CFAP20DC: variants seen among roughly 807,000 people sequenced by gnomAD.
CFAP20DC encodes protein CFAP20DC.
Under a neutral mutation model 101.7 loss-of-function variants are expected in CFAP20DC, and 84 were observed. That is an observed-to-expected ratio of 0.83 (90% confidence interval 0.69 to 0.99). The LOEUF is 0.99. Among genes scored for constraint, CFAP20DC ranks in the 50% least tolerant of loss-of-function variants. The pLI, the probability that CFAP20DC is intolerant of heterozygous loss-of-function variation, is 0.00. For synonymous variants in CFAP20DC, 359 were observed against 351.2 expected, an observed-to-expected ratio of 1.02 and a Z score of -0.25; for missense variants, 1,007 against 970.3, an observed-to-expected ratio of 1.04 and a Z score of -0.50.
chr3:58,826,027 C>T (rs1192394892), intron 14 of CFAP20DC, among the ~76,000 whole-genome samples: 1 of 152,174 alleles, frequency 6.6e-6, no homozygotes, highest in Non-Finnish European at 1.5e-5. Flanking sequence ...AAAGACTCTT[C>T]ATTTTACTCT....
chr3:58,884,407 G>A (rs929128712), intron 7 of CFAP20DC, 138 bp downstream of exon 7: 11 of 685,596 alleles, frequency 1.6e-5, no homozygotes, highest in South Asian at 1.1e-4. Context: ...AGCCCCTGGC[G>A]TGGTATGTGG....
intron 4 of CFAP20DC, among the ~76,000 whole-genome samples, chr3:59,032,293 G>C (rs907460599): frequency 1.2e-4 from 19 of 152,122 alleles, no homozygotes; most frequent in African/African-American, 3.4e-4. Context: ...CACCGAGATA[G>C]CTGCAGGAGT....
intron 1 of CFAP20DC, among the ~76,000 whole-genome samples, chr3:59,047,630 G>C (rs74464560): frequency 5.8e-4 from 89 of 152,208 alleles, no homozygotes; most frequent in Admixed American, 9.8e-4. Flanking sequence ...CGCAATTCTT[G>C]AATCAGGCCA....
At chr3:58,893,923 A>G (rs1446929297) in intron 6 of CFAP20DC, among the ~76,000 whole-genome samples, 1 of 152,184 alleles carries the variant, frequency 6.6e-6, no homozygotes, top group African/African-American at 2.4e-5. Flanking sequence ...CCTCACAATC[A>G]TGGTGGAAGG....
chr3:58,717,021 G>C (rs1310599764), downstream of CFAP20DC, among the ~76,000 whole-genome samples: 1 of 152,042 alleles, frequency 6.6e-6, no homozygotes, highest in South Asian at 2.1e-4. This position sits in a 1 kb window ranked among gnomAD's most constrained non-coding sequence, Gnocchi z 4.1. Flanking sequence ...TAAGATGAAA[G>C]GCCCCTGAAT....
chr3:58,794,762 CACTGCCTAATG>C (rs2073110339), intron 15 of CFAP20DC, among the ~76,000 whole-genome samples: 1 of 152,208 alleles, frequency 6.6e-6, no homozygotes. Flanking sequence ...GATGCCCACA[CACTGCCTAATG>C]ACATGCAGTG....
chr3:58,808,842 T>A (rs1575703352), intron 14 of CFAP20DC, among the ~76,000 whole-genome samples: 1 of 152,100 alleles, frequency 6.6e-6, no homozygotes, highest in Middle Eastern at 3.4e-3. Flanking sequence ...GAGACACACA[T>A]AGGCTCAAAA....
intron 4 of CFAP20DC, among the ~76,000 whole-genome samples, chr3:58,963,689 G>T (rs778359456): frequency 6.6e-6 from 1 of 151,932 alleles, no homozygotes; most frequent in Non-Finnish European, 1.5e-5. Context: ...GCTCATTTTG[G>T]AAAATCTGGA....
intron 4 of CFAP20DC, among the ~76,000 whole-genome samples, chr3:59,012,907 G>A (rs2093616709): frequency 6.6e-6 from 1 of 152,102 alleles, no homozygotes; most frequent in African/African-American, 2.4e-5. Context: ...AATATGGCAA[G>A]GCTGGTTCAA....
intron 13 of CFAP20DC, among the ~76,000 whole-genome samples, chr3:58,843,849 G>A (rs1332652797): frequency 5.1e-5 from 7 of 136,868 alleles, no homozygotes; most frequent in East Asian, 2.1e-4. Flanking sequence ...AGAGAGTGGG[G>A]GCCAATATTC....
rs1203346957 is a variant in CFAP20DC, at chr3:58,897,920, G to C, written c.551-13211C>G. 6.6e-6 allele frequency among the ~76,000 whole-genome samples: 1 copy of C among 152,070 alleles called. No homozygotes were observed. Among genetic ancestry groups the C allele is most frequent in the East Asian group, 1.9e-4 (1 of 5,184 alleles). On this transcript the variant is annotated intron_variant, in intron 6 of 16. Transcript: ENST00000482387. The surrounding 1 kb of genome is among the most constrained non-coding windows in gnomAD (Gnocchi z 4.4). ...TCTGCATTTCCTGAATTTAAATGTT[G>C]GCCTGGCTTACTAGGTTGGGGAATT...
intron 12 of CFAP20DC, among the ~76,000 whole-genome samples, chr3:58,853,268 C>A (rs1296491281): frequency 6.6e-6 from 1 of 152,166 alleles, no homozygotes; most frequent in African/African-American, 2.4e-5. Flanking sequence ...CATACACTCT[C>A]CCAAGACTAA....
intron 15 of CFAP20DC, among the ~76,000 whole-genome samples, chr3:58,787,512 C>CAACA (rs895765505): frequency 5.9e-5 from 9 of 151,364 alleles, no homozygotes; most frequent in Admixed American, 1.3e-4. Flanking sequence ...ATTAAAAAAC[C>CAACA]AACAAACAAA....
chr3:58,959,157 C>T lies in CFAP20DC; in HGVS notation c.279-21395G>A, dbSNP rs554318477. Among the ~76,000 whole-genome samples the T allele has an allele frequency of 3.9e-5, 6 of 152,228 alleles. No homozygotes were observed. The East Asian group carries it at 1.2e-3, about 29-fold the overall frequency. On this transcript the variant is annotated intron_variant, in intron 4 of 16. Coordinates refer to ENST00000482387, the MANE Select transcript of CFAP20DC (RefSeq NM_001394063.1). The stretch of plus-strand genomic sequence containing the variant: ...TTGCCCAGGCTGGAGTGCAATGGTG[C>T]CATCTCCGCTCACTGCAACCTCCGC...
intron 14 of CFAP20DC, among the ~76,000 whole-genome samples, chr3:58,813,551 A>G (rs1283457485): frequency 6.6e-6 from 1 of 151,960 alleles, no homozygotes; most frequent in African/African-American, 2.4e-5. Flanking sequence ...AGAACAACGT[A>G]GCCATGGTGC....
intron 4 of CFAP20DC, among the ~76,000 whole-genome samples, chr3:58,975,104 T>C (rs926288880): frequency 2.0e-5 from 3 of 152,170 alleles, no homozygotes; most frequent in African/African-American, 7.2e-5. Flanking sequence ...GCTTCACACT[T>C]GGTGTGTCCT....
intron 14 of CFAP20DC, among the ~76,000 whole-genome samples, chr3:58,807,837 A>T (rs928837759): frequency 6.6e-6 from 1 of 152,190 alleles, no homozygotes; most frequent in African/African-American, 2.4e-5. Context: ...AAGAATGTAT[A>T]ACTAGAATAA....
rs190357562 is a variant in CFAP20DC at position 58,828,091 on chromosome 3, G to A, written c.2175+3595C>T. On this transcript the variant is annotated intron_variant, in intron 14 of 16. Transcript: ENST00000482387. Reference sequence around the variant, plus strand: ...AGAATGGAGTGAAAGGTGGGGTGCAGTGAGAGATGAGGCTGGAGAGAGGGC... The same window carrying A: ...AGAATGGAGTGAAAGGTGGGGTGCAATGAGAGATGAGGCTGGAGAGAGGGC... Among the ~76,000 whole-genome samples, 218 of 152,208 alleles carry A rather than the reference G, an allele frequency of 1.4e-3. 1 individual carries two copies. The highest frequency in any genetic ancestry group is 5.0e-3 in the African/African-American group (208 of 41,478).
In CFAP20DC at chr3:58,793,788, C is replaced by T. The variant is rs559692504; in HGVS notation, c.2237+12607G>A. 1.1e-4 allele frequency among the ~76,000 whole-genome samples: 16 copies of T among 152,302 alleles called. 1 individual carries two copies. The South Asian group carries it at 3.3e-3, about 32-fold the overall frequency. On this transcript the variant is annotated intron_variant, in intron 15 of 16. Coordinates refer to ENST00000482387, the MANE Select transcript of CFAP20DC (RefSeq NM_001394063.1). ...AAGCAATACTGTGATTTTACTTAAG[C>T]TGAGACTTTCATTTTATCGTAGTAT...
Sources: allele counts gnomAD v4.1 joint callset (sites outside exome capture counted in the v4.1 genomes callset), GRCh38; gene constraint gnomAD v4.1.1; non-coding constraint Gnocchi (gnomAD v3.1); transcripts MANE v1.5; gene names NCBI Gene and HGNC (gene_info 2026-07-23, HGNC 2026-07-21).